The following SPMIP7 variants were observed in gnomAD, a reference collection of about 807,000 sequenced individuals.
The protein encoded by SPMIP7 is sperm microtubule inner protein 7, also known as protein SPMIP7.
chr7:50,138,952 T>G, the SPMIP7 span, among the ~76,000 whole-genome samples: 2 of 152,166 alleles, frequency 1.3e-5, no homozygotes, highest in Admixed American at 1.3e-4. Context: ...TTGATAAAAT[T>G]TATTTAAAGT....
At chr7:50,154,633 G>T in the SPMIP7 span, among the ~76,000 whole-genome samples, 1 of 152,172 alleles carries the variant, frequency 6.6e-6, no homozygotes, top group East Asian at 1.9e-4. Context: ...CAGACATCGA[G>T]GTTGTGTCCA....
chr7:50,145,763 C>T, the SPMIP7 span, among the ~76,000 whole-genome samples: 1 of 149,936 alleles, frequency 6.7e-6, no homozygotes, highest in African/African-American at 2.5e-5. Flanking sequence ...GGTGCAGGCC[C>T]AGCTAACAGA....
chr7:50,114,175 T>C, the SPMIP7 span, among the ~76,000 whole-genome samples: 2 of 152,114 alleles, frequency 1.3e-5, no homozygotes, highest in Non-Finnish European at 2.9e-5. Context: ...AAGAAAATAA[T>C]GTATATGAAA....
At chr7:50,149,150 A>C in the SPMIP7 span, among the ~76,000 whole-genome samples, 1 of 152,058 alleles carries the variant, frequency 6.6e-6, no homozygotes, top group Non-Finnish European at 1.5e-5. Context: ...ATCTAAAAAA[A>C]AAAAAAATGT....
the SPMIP7 span, among the ~76,000 whole-genome samples, chr7:50,139,321 C>G: frequency 6.7e-6 from 1 of 149,828 alleles, no homozygotes; most frequent in African/African-American, 2.5e-5. Context: ...TGTACTCCAG[C>G]CTAGGTGACT....
the SPMIP7 span, among the ~76,000 whole-genome samples, chr7:50,125,151 CATAT>C: frequency 2.5e-4 from 28 of 111,952 alleles, no homozygotes; most frequent in African/African-American, 9.1e-4. Context: ...CATATACACA[CATAT>C]ATATACACAT....
chr7:50,137,257 C>T, the SPMIP7 span, among the ~76,000 whole-genome samples: 1 of 151,918 alleles, frequency 6.6e-6, no homozygotes, highest in African/African-American at 2.4e-5. Context: ...CTATATAATA[C>T]AAAAATTGAT....
chr7:50,125,261 CACACAT>C, the SPMIP7 span, among the ~76,000 whole-genome samples: 8 of 45,120 alleles, frequency 1.8e-4, 1 homozygote, highest in South Asian at 6.2e-4. Context: ...CATATATATA[CACACAT>C]ATATATACAC....
At chr7:50,109,501 G>A in the SPMIP7 span, among the ~76,000 whole-genome samples, 4 of 151,964 alleles carry the variant, frequency 2.6e-5, no homozygotes, top group African/African-American at 9.7e-5. Context: ...TCATCCTCCC[G>A]AGTAGCTGGG....
the SPMIP7 span, among the ~76,000 whole-genome samples, chr7:50,122,718 A>T: frequency 6.6e-6 from 1 of 151,874 alleles, no homozygotes. Context: ...ACAAATTTAC[A>T]AGAAAAAAAC....
chr7:50,130,128 G>T, the SPMIP7 span, among the ~76,000 whole-genome samples: 1 of 152,080 alleles, frequency 6.6e-6, no homozygotes, highest in Non-Finnish European at 1.5e-5. Context: ...TACCTATTAC[G>T]AATCTATGTT....
chr7:50,152,610 G>T, the SPMIP7 span, among the ~76,000 whole-genome samples: 1 of 152,126 alleles, frequency 6.6e-6, no homozygotes, highest in African/African-American at 2.4e-5. Context: ...CCCAAAAGGA[G>T]AGCTTGTTCT....
At chr7:50,117,519 T>A in the SPMIP7 span, 1 of 243,250 alleles carries the variant, frequency 4.1e-6, no homozygotes, top group Admixed American at 4.7e-5. Flanking sequence ...AATTTCTATC[T>A]GAAATGTTGC....
the SPMIP7 span, among the ~76,000 whole-genome samples, chr7:50,119,887 C>T: frequency 2.6e-5 from 4 of 152,210 alleles, no homozygotes; most frequent in African/African-American, 9.6e-5. Flanking sequence ...GTTATGCATC[C>T]TTCCAGCATG....
the SPMIP7 span, among the ~76,000 whole-genome samples, chr7:50,152,861 AT>A: frequency 1.1e-4 from 17 of 151,974 alleles, no homozygotes; most frequent in South Asian, 3.3e-3. Context: ...TAATTTTTGT[AT>A]TTTTGGTAGA....
the SPMIP7 span, among the ~76,000 whole-genome samples, chr7:50,139,441 T>A: frequency 6.6e-6 from 1 of 152,168 alleles, no homozygotes; most frequent in African/African-American, 2.4e-5. Flanking sequence ...TAAAATGTAA[T>A]TTTTTTCTAC....
the SPMIP7 span, among the ~76,000 whole-genome samples, chr7:50,126,953 A>G: frequency 6.6e-6 from 1 of 152,118 alleles, no homozygotes. Context: ...TAGCCAAAGC[A>G]ATGCTGTGCA....
the SPMIP7 span, chr7:50,141,460 A>T: frequency 4.8e-5 from 46 of 955,398 alleles, no homozygotes; most frequent in Non-Finnish European, 4.9e-5. Flanking sequence ...CTTTACCATA[A>T]ATGAAGGAAT....
At chr7:50,096,073 A>G in the SPMIP7 span, 1 of 1,446,678 alleles carries the variant, frequency 6.9e-7, no homozygotes, top group Non-Finnish European at 9.1e-7. Flanking sequence ...CAAAAATTCT[A>G]AAGAAAAAGG....
Sources: allele counts gnomAD v4.1 joint callset (sites outside exome capture counted in the v4.1 genomes callset), GRCh38; gene constraint gnomAD v4.1.1; transcripts MANE v1.5; gene names NCBI Gene and HGNC (gene_info 2026-07-23, HGNC 2026-07-21).